The following EYS variants were observed in gnomAD, a reference collection of about 807,000 sequenced individuals.
EYS encodes protein eyes shut homolog.
EYS carries 250 observed loss-of-function variants against 282.1 expected under a neutral mutation model. The observed-to-expected ratio is 0.89, with a 90% CI of 0.80 to 0.98. The LOEUF is 0.98. Ranked by LOEUF, EYS falls within the 50% of genes least tolerant of loss-of-function variation. The pLI is 0.00. For missense variants in EYS, 4,016 were observed against 3,709.0 expected (o/e 1.08, Z -2.15); for synonymous variants, 1,355 against 1,282.9 (o/e 1.06, Z -1.20).
intron 8 of EYS, among the ~76,000 whole-genome samples, chr6:65,359,864 G>A (rs796124200): frequency 1.5e-4 from 23 of 151,808 alleles, no homozygotes; most frequent in African/African-American, 5.5e-4. Context: ...AGCCTGGATA[G>A]AATATTTGTA....
At chr6:65,676,235 G>A (rs931942684) in intron 1 of EYS, among the ~76,000 whole-genome samples, 4 of 151,358 alleles carry the variant, frequency 2.6e-5, no homozygotes, top group African/African-American at 9.7e-5. Flanking sequence ...AATGATTAGA[G>A]CAGAAACAAA....
At chr6:65,442,793 T>A (rs1582298691) in intron 5 of EYS, among the ~76,000 whole-genome samples, 1 of 133,012 alleles carries the variant, frequency 7.5e-6, no homozygotes, top group East Asian at 2.4e-4. Flanking sequence ...AAAAAAAATA[T>A]ATAGACACAC....
At chr6:64,863,379 G>A (rs936275951) in intron 19 of EYS, among the ~76,000 whole-genome samples, 6 of 151,956 alleles carry the variant, frequency 3.9e-5, no homozygotes, top group Admixed American at 1.3e-4. Context: ...GTTTTAAGTA[G>A]CACATGGCAA....
At chr6:65,512,005 A>AG (rs1562232225) in intron 2 of EYS, among the ~76,000 whole-genome samples, 1 of 140,658 alleles carries the variant, frequency 7.1e-6, no homozygotes, top group African/African-American at 2.7e-5. Flanking sequence ...AAAAAAAAAA[A>AG]AAAGAAATCA....
intron 13 of EYS, among the ~76,000 whole-genome samples, chr6:65,050,003 G>A (rs1474683056): frequency 1.3e-5 from 2 of 151,498 alleles, no homozygotes; most frequent in Non-Finnish European, 3.0e-5. Flanking sequence ...CCACCCAAAT[G>A]GAGCAGTCAA....
At chr6:65,531,513 C>T (rs1365379343) in intron 2 of EYS, among the ~76,000 whole-genome samples, 1 of 152,090 alleles carries the variant, frequency 6.6e-6, no homozygotes, top group Admixed American at 6.6e-5. Context: ...TAACTGAAAG[C>T]CCAATCCCCA....
chr6:65,643,698 C>G (rs1157107373), intron 1 of EYS, among the ~76,000 whole-genome samples: 1 of 152,144 alleles, frequency 6.6e-6, no homozygotes, highest in Non-Finnish European at 1.5e-5. Context: ...ACTATCTCCA[C>G]CAGAGCAGGT....
intron 22 of EYS, among the ~76,000 whole-genome samples, chr6:64,746,422 C>T (rs900276653): frequency 3.9e-5 from 6 of 151,962 alleles, no homozygotes; most frequent in South Asian, 4.2e-4. Flanking sequence ...TATTGGACTT[C>T]CTAGCCTCCA....
rs1218030959 is a variant in EYS, at chr6:64,439,337, C to T, written c.5660G>A (p.Arg1887His). Reference protein sequence around the residue: ...RLMISDFSCVRYYGDSYLEFQ... With the variant: ...RLMISDFSCVHYYGDSYLEFQ... Reference sequence around the variant, plus strand: ...TTCTAGATAAGAATCTCCATAATAACGAACACAACTGAAATCTGTGGAGTC... The same window carrying T: ...TTCTAGATAAGAATCTCCATAATAATGAACACAACTGAAATCTGTGGAGTC... Residue 1887 changes from arginine (R) to histidine (H), a missense_variant, in exon 27 of 43, where the codon CGT becomes CAT. By Grantham distance (29) the Arg-to-His change is conservative. Coordinates refer to ENST00000503581, the MANE Select transcript of EYS (RefSeq NM_001142800.2). 1.9e-5 allele frequency: 28 copies of T among 1,502,076 alleles called. No individual in the cohort carries two copies. Among genetic ancestry groups the T allele is most frequent in the Admixed American group, 7.5e-5 (3 of 40,008 alleles). The allele number at this position is 1,502,076 out of a possible 1,614,324, so 93.0% of individuals were successfully genotyped here.
chr6:64,082,319 C>T (rs976443240), intron 31 of EYS, among the ~76,000 whole-genome samples: 1 of 152,030 alleles, frequency 6.6e-6, no homozygotes, highest in Non-Finnish European at 1.5e-5. Context: ...ATCAGTGTTT[C>T]ACCAGATTCT....
chr6:64,348,375 A>G (rs976586907), intron 29 of EYS, among the ~76,000 whole-genome samples: 1 of 151,262 alleles, frequency 6.6e-6, no homozygotes, highest in Non-Finnish European at 1.5e-5. Context: ...TTTCCATATC[A>G]TTCCTGTTTG....
chr6:63,836,176 A>G (rs1199953328), intron 36 of EYS, among the ~76,000 whole-genome samples: 1 of 151,934 alleles, frequency 6.6e-6, no homozygotes, highest in East Asian at 1.9e-4. Flanking sequence ...ACCATTTTAG[A>G]CTCCTACCAG....
intron 13 of EYS, among the ~76,000 whole-genome samples, chr6:65,033,653 A>G (rs1000118161): frequency 2.0e-5 from 3 of 152,200 alleles, no homozygotes; most frequent in Non-Finnish European, 4.4e-5. Flanking sequence ...AATGCTTGGC[A>G]GCCTCCTCCT....
At chr6:65,248,886 C>G in intron 12 of EYS, among the ~76,000 whole-genome samples, 1 of 151,802 alleles carries the variant, frequency 6.6e-6, no homozygotes, top group East Asian at 1.9e-4. Flanking sequence ...ATGCTGTGTA[C>G]AAGTTATCCT....
intron 31 of EYS, among the ~76,000 whole-genome samples, chr6:64,171,165 G>T (rs955279676): frequency 6.6e-6 from 1 of 151,992 alleles, no homozygotes; most frequent in South Asian, 2.1e-4. Context: ...TTATGGTACT[G>T]TTAGTTTAGT....
intron 8 of EYS, among the ~76,000 whole-genome samples, chr6:65,362,435 G>T (rs989803839): frequency 2.6e-5 from 4 of 152,032 alleles, no homozygotes; most frequent in African/African-American, 9.6e-5. Flanking sequence ...TACTATTTGG[G>T]AGTAAAGTAA....
At chr6:64,735,050 T>C (rs1405296654) in intron 22 of EYS, among the ~76,000 whole-genome samples, 2 of 152,192 alleles carry the variant, frequency 1.3e-5, no homozygotes, top group African/African-American at 2.4e-5. Flanking sequence ...CTAGTCTAAA[T>C]GACTTACTTT....
intron 8 of EYS, among the ~76,000 whole-genome samples, chr6:65,358,813 A>C (rs979377901): frequency 6.6e-6 from 1 of 152,092 alleles, no homozygotes; most frequent in Non-Finnish European, 1.5e-5. Flanking sequence ...CATTAATTGC[A>C]GTAAACAATA....
intron 5 of EYS, among the ~76,000 whole-genome samples, chr6:65,428,057 TA>T (rs1017843931): frequency 1.8e-4 from 28 of 152,046 alleles, no homozygotes; most frequent in African/African-American, 5.8e-4. Context: ...ACTTAGCAAA[TA>T]TTTTTTTAAT....
Sources: gnomAD v4.1 joint callset for allele counts (sites outside exome capture counted in the v4.1 genomes callset) on GRCh38, gnomAD v4.1.1 for gene constraint, MANE v1.5 for transcripts, NCBI Gene and HGNC (gene_info 2026-07-23, HGNC 2026-07-21) for gene names.